TRIO: variants seen among roughly 807,000 people sequenced by gnomAD.
TRIO encodes triple functional domain protein.
TRIO carries 58 observed loss-of-function variants against 351.9 expected under a neutral mutation model. The observed-to-expected ratio is 0.16, with a 90% CI of 0.13 to 0.21. The LOEUF (loss-of-function observed/expected upper bound fraction) is 0.21, where lower values mean the gene tolerates loss of function less well. Ranked by LOEUF, TRIO falls within the 10% of genes least tolerant of loss-of-function variation. The probability of loss-of-function intolerance (pLI) is 1.00; values close to 1 mark genes in which losing one functional copy is unlikely to be tolerated. For synonymous variants in TRIO, 1,758 were observed against 1,595.7 expected, an observed-to-expected ratio of 1.10 and a Z score of -2.42; for missense variants, 3,201 against 4,027.8, an observed-to-expected ratio of 0.79 and a Z score of 5.56.
intron 1 of TRIO, among the ~76,000 whole-genome samples, chr5:14,223,953 G>A (rs1467109447): frequency 6.6e-6 from 1 of 152,198 alleles, no homozygotes; most frequent in African/African-American, 2.4e-5. Flanking sequence ...TGCTTGTCTT[G>A]ATATCCAGGA....
rs373040995 is a variant in TRIO at position 14,479,323 on chromosome 5, C to G, written c.6216C>G (p.Val2072=). ...CQNKPKSEHI[V]SEYIDTFFED... is the part of the protein sequence containing the mutation. ...ATAAACCAAAGTCTGAGCACATTGT[C>G]TCAGAATACATTGATACCTTTTTTG... Residue 2072 remains valine, a synonymous_variant, in exon 42 of 57, where the codon GTC becomes GTG. Transcript: ENST00000344204. The G allele has an allele frequency of 5.0e-6, 8 of 1,613,566 alleles. No individual in the cohort carries two copies. In the African/African-American group the frequency reaches 9.3e-5, roughly 19 times the overall value.
At position 14,462,939 on chromosome 5, in the gene TRIO, A is replaced by C; in HGVS notation, c.5667+14A>C. 7 of 1,552,672 alleles carry C rather than the reference A, an allele frequency of 4.5e-6. No individual in the cohort carries two copies. The highest frequency in any genetic ancestry group is 6.1e-6 in the Non-Finnish European group (7 of 1,151,894). ...CAGGATGACAAGGTAAAGGGGGATG[A>C]GGGCTGGGGAATCCATGCCTGCCGT... On this transcript the variant is annotated intron_variant, in intron 36 of 56. Coordinates refer to ENST00000344204, the MANE Select transcript of TRIO (RefSeq NM_007118.4).
chr5:14,469,260 T>C (rs1260126105), intron 37 of TRIO, among the ~76,000 whole-genome samples: 6 of 152,160 alleles, frequency 3.9e-5, no homozygotes, highest in African/African-American at 9.7e-5. Flanking sequence ...TCTTTAAATA[T>C]AGGCATTAGG....
chr5:14,446,107 T>C (rs1351310666), intron 34 of TRIO, among the ~76,000 whole-genome samples: 1 of 152,222 alleles, frequency 6.6e-6, no homozygotes, highest in Non-Finnish European at 1.5e-5. Context: ...TCTCCGCGCT[T>C]GCTTTGTTCC....
chr5:14,235,637 G>C (rs1052932602), intron 1 of TRIO, among the ~76,000 whole-genome samples: 1 of 152,016 alleles, frequency 6.6e-6, no homozygotes, highest in African/African-American at 2.4e-5. Context: ...TGCTAGGTCT[G>C]CGGTGGTTGA....
At position 14,202,492 on chromosome 5, in the gene TRIO, G is replaced by C. The variant is rs553345343; in HGVS notation, c.157+58610G>C. On this transcript the variant is annotated intron_variant, in intron 1 of 56. Transcript: ENST00000344204. ...ACTGTAGCTCATGTTGTGATTACCA[G>C]TATCTCCATTTGATATGCTTTGACT... 2.0e-5 allele frequency among the ~76,000 whole-genome samples: 3 copies of C among 151,470 alleles called. No individual in the cohort carries two copies. In the South Asian group the frequency reaches 6.3e-4, roughly 32 times the overall value.
At chr5:14,404,755 A>C (rs1748556796) in intron 31 of TRIO, among the ~76,000 whole-genome samples, 1 of 152,122 alleles carries the variant, frequency 6.6e-6, no homozygotes, top group Non-Finnish European at 1.5e-5. Flanking sequence ...GCCTTTACCC[A>C]TCATTTCTTT....
intron 33 of TRIO, among the ~76,000 whole-genome samples, chr5:14,419,131 C>T (rs1011830583): frequency 2.0e-5 from 3 of 152,070 alleles, no homozygotes; most frequent in East Asian, 1.9e-4. Flanking sequence ...GGAAACGAGC[C>T]GATGTCTGCA....
At chr5:14,239,616 T>A (rs1314205737) in intron 1 of TRIO, among the ~76,000 whole-genome samples, 32 of 152,034 alleles carry the variant, frequency 2.1e-4, no homozygotes, top group Non-Finnish European at 1.5e-5. Flanking sequence ...AGGCATGGAG[T>A]GTTAACAGCC....
chr5:14,317,987 T>A (rs1395470386), intron 9 of TRIO, among the ~76,000 whole-genome samples: 1 of 152,038 alleles, frequency 6.6e-6, no homozygotes, highest in African/African-American at 2.4e-5. Flanking sequence ...ATTAGCCAGG[T>A]GTGGTGGCGC....
intron 1 of TRIO, among the ~76,000 whole-genome samples, chr5:14,191,510 TGACAGAGTAA>T (rs1235520546): frequency 3.5e-5 from 5 of 140,906 alleles, no homozygotes; most frequent in Non-Finnish European, 7.5e-5. Flanking sequence ...CCAGCCTGGG[TGACAGAGTAA>T]GACCCTGTTT....
At chr5:14,331,765 A>C (rs1740924728) in intron 10 of TRIO, among the ~76,000 whole-genome samples, 1 of 152,172 alleles carries the variant, frequency 6.6e-6, no homozygotes, top group Non-Finnish European at 1.5e-5. Flanking sequence ...TTGCAGAGTC[A>C]AGAACTTCCT....
chr5:14,321,884 C>T (rs1561338236), intron 9 of TRIO, among the ~76,000 whole-genome samples: 1 of 152,212 alleles, frequency 6.6e-6, no homozygotes, highest in Non-Finnish European at 1.5e-5. Flanking sequence ...CACAAGCTCT[C>T]TTGCCTGCTG....
intron 1 of TRIO, among the ~76,000 whole-genome samples, chr5:14,263,848 C>A (rs1284388805): frequency 6.6e-6 from 1 of 152,180 alleles, no homozygotes; most frequent in Admixed American, 6.5e-5. Context: ...TTTACAGGGA[C>A]ATGCACAGAC....
Position 14,487,633 on chromosome 5 carries a change from G to T in TRIO, c.7005G>T (p.Arg2335Ser). Reference sequence around the variant, plus strand: ...GCGGCGGCGCCCCCAGCACGAGCAGGAGCCGGCCCTCCCGGATCCCCCAGC... The same window carrying T: ...GCGGCGGCGCCCCCAGCACGAGCAGTAGCCGGCCCTCCCGGATCCCCCAGC... ...SSCGGAPSTS[R>S]SRPSRIPQPV... Residue 2335 changes from arginine (R) to serine (S), a missense_variant, in exon 48 of 57, where the codon AGG (arginine) becomes AGT (serine). Physicochemically the swap from Arg to Ser is moderately radical, Grantham distance 110. Around this residue, in one of 19 missense-constraint regions of TRIO, gnomAD observed 1,089 missense variants for 954.9 expected, o/e 1.14. Transcript: ENST00000344204. 1 of 1,237,450 alleles carries T rather than the reference G, an allele frequency of 8.1e-7. No homozygotes were observed. The highest frequency in any genetic ancestry group is 1.0e-6 in the Non-Finnish European group (1 of 978,710). The allele number at this position is 1,237,450 out of a possible 1,614,324, so 76.7% of individuals were successfully genotyped here.
chr5:14,279,524 T>A (rs1252258818), intron 2 of TRIO, among the ~76,000 whole-genome samples: 1 of 152,220 alleles, frequency 6.6e-6, no homozygotes, highest in Non-Finnish European at 1.5e-5. Flanking sequence ...CTAAATTTTC[T>A]TCCTCTATTT....
chr5:14,479,701 G>A (rs1755370597), intron 42 of TRIO, among the ~76,000 whole-genome samples: 1 of 152,086 alleles, frequency 6.6e-6, no homozygotes, highest in Non-Finnish European at 1.5e-5. Context: ...TTGAAAAAAT[G>A]CCTTTAAACA....
intron 49 of TRIO, among the ~76,000 whole-genome samples, chr5:14,496,386 G>A (rs577734757): frequency 5.3e-4 from 80 of 152,306 alleles, no homozygotes; most frequent in Non-Finnish European, 1.0e-3. Flanking sequence ...TTCAGACCCC[G>A]GAGAGCACGT....
intron 10 of TRIO, 110 bp from the exon 11 acceptor site, chr5:14,336,426 A>G: frequency 8.8e-7 from 1 of 1,131,018 alleles, no homozygotes; most frequent in South Asian, 1.5e-5. Context: ...GATTCATGTA[A>G]GTGATCAAAA....
Sources: allele counts gnomAD v4.1 joint callset (sites outside exome capture counted in the v4.1 genomes callset), GRCh38; gene constraint gnomAD v4.1.1; regional missense constraint gnomAD v4.1.1; transcripts MANE v1.5; gene names NCBI Gene and HGNC (gene_info 2026-07-23, HGNC 2026-07-21).